TNNI3K: variants seen among roughly 807,000 people sequenced by gnomAD.
TNNI3K encodes serine/threonine-protein kinase TNNI3K.
TNNI3K carries 140 observed loss-of-function variants against 114.5 expected under a neutral mutation model. That is an observed-to-expected ratio of 1.22 (90% CI 1.07 to 1.41). The LOEUF is 1.41. Ranked by LOEUF, TNNI3K falls within the 40% of genes most tolerant of loss-of-function variation. TNNI3K has a pLI of 0.00. For missense variants in TNNI3K, 1,125 were observed against 1,007.6 expected (o/e 1.12, Z -1.58); for synonymous variants, 347 against 347.5 (o/e 1.00, Z 0.02).
chr1:74,409,553 G>C (rs1664783485), intron 17 of TNNI3K, among the ~76,000 whole-genome samples: 1 of 147,914 alleles, frequency 6.8e-6, no homozygotes, highest in African/African-American at 2.5e-5. Flanking sequence ...GAGTGCAGTG[G>C]CACCATCTCG....
chr1:74,433,138 G>A (rs546143507), intron 17 of TNNI3K, among the ~76,000 whole-genome samples: 25 of 152,058 alleles, frequency 1.6e-4, no homozygotes, highest in Non-Finnish European at 2.9e-4. Context: ...TGTAGTTCAC[G>A]ACATCTCTCA....
intron 22 of TNNI3K, among the ~76,000 whole-genome samples, chr1:74,491,457 G>A (rs1300815120): frequency 6.6e-6 from 1 of 152,054 alleles, no homozygotes; most frequent in Non-Finnish European, 1.5e-5. Context: ...GACCAGGATG[G>A]TGTCGATCTC....
chr1:74,522,833 C>T (rs1391898835), intron 23 of TNNI3K, among the ~76,000 whole-genome samples: 1 of 152,136 alleles, frequency 6.6e-6, no homozygotes, highest in East Asian at 1.9e-4. Context: ...GGAAACTTTA[C>T]CTGTAGAAGG....
intron 11 of TNNI3K, among the ~76,000 whole-genome samples, chr1:74,361,504 G>A (rs948584376): frequency 4.0e-5 from 6 of 151,722 alleles, no homozygotes; most frequent in South Asian, 2.1e-4. Context: ...TCATTCATTC[G>A]TTCAACAAAA....
chr1:74,448,260 TAAAAAA>T (rs71588834), intron 20 of TNNI3K, among the ~76,000 whole-genome samples: 9 of 89,136 alleles, frequency 1.0e-4, no homozygotes, highest in South Asian at 4.1e-4. Flanking sequence ...TAGAGTATAA[TAAAAAA>T]AAAAAAAAAA....
chr1:74,394,484 A>G (rs1469945491), intron 17 of TNNI3K, among the ~76,000 whole-genome samples: 1 of 152,220 alleles, frequency 6.6e-6, no homozygotes. Context: ...AGCAAACTAC[A>G]GAAGAAACAG....
chr1:74,280,313 C>T (rs1656932207), intron 5 of TNNI3K, among the ~76,000 whole-genome samples: 1 of 151,602 alleles, frequency 6.6e-6, no homozygotes, highest in East Asian at 1.9e-4. Context: ...ACCTGGGAGG[C>T]GGAGCTTGCA....
chr1:74,445,603 C>T (rs1570629434), intron 20 of TNNI3K, among the ~76,000 whole-genome samples: 5 of 131,204 alleles, frequency 3.8e-5, no homozygotes, highest in African/African-American at 1.2e-4. Context: ...TCCACATTTT[C>T]TTTTTTTTCT....
Position 74,403,748 on chromosome 1 carries a change from C to A in TNNI3K, c.1773-32332C>A, listed in dbSNP as rs544010147. On this transcript the variant is annotated intron_variant, in intron 17 of 24. Transcript: ENST00000326637. ...GAATCTTTGGCATCATGTATGCAAA[C>A]TCATGGAACTTCTGCTCCTTGTTAA... Among the ~76,000 whole-genome samples the A allele has an allele frequency of 2.0e-5, 3 of 152,226 alleles. No homozygotes were observed. The South Asian group carries it at 6.2e-4, about 32-fold the overall frequency.
intron 4 of TNNI3K, among the ~76,000 whole-genome samples, chr1:74,251,008 G>T (rs533792090): frequency 1.5e-3 from 224 of 152,042 alleles, no homozygotes; most frequent in Non-Finnish European, 2.9e-3. Context: ...CCCCATGAGT[G>T]AATATGATTA....
intron 5 of TNNI3K, among the ~76,000 whole-genome samples, chr1:74,329,983 A>G (rs1222712238): frequency 6.6e-6 from 1 of 152,098 alleles, no homozygotes; most frequent in East Asian, 1.9e-4. Context: ...AAAAAATTTC[A>G]AAATGTGTAA....
At chr1:74,517,144 C>T (rs1646360927) in intron 23 of TNNI3K, among the ~76,000 whole-genome samples, 1 of 152,136 alleles carries the variant, frequency 6.6e-6, no homozygotes, top group South Asian at 2.1e-4. Context: ...TCATTCTCAA[C>T]ACCTGTGGGC....
chr1:74,320,656 G>T (rs1659558336), intron 5 of TNNI3K, among the ~76,000 whole-genome samples: 1 of 152,130 alleles, frequency 6.6e-6, no homozygotes, highest in Non-Finnish European at 1.5e-5. Flanking sequence ...TATTCCAGCT[G>T]CTTGATACTC....
chr1:74,446,866 A>T (rs1666716233), intron 20 of TNNI3K, among the ~76,000 whole-genome samples: 1 of 147,338 alleles, frequency 6.8e-6, no homozygotes, highest in Admixed American at 6.8e-5. Flanking sequence ...TGCGGCGTTA[A>T]TTCTGAGGGC....
intron 23 of TNNI3K, among the ~76,000 whole-genome samples, chr1:74,535,275 G>C (rs1646646096): frequency 6.6e-6 from 1 of 152,104 alleles, no homozygotes; most frequent in African/African-American, 2.4e-5. Flanking sequence ...TTCGACACCA[G>C]CCTGACCAAC....
chr1:74,385,639 G>A (rs1203441293), intron 17 of TNNI3K, among the ~76,000 whole-genome samples: 2 of 152,132 alleles, frequency 1.3e-5, no homozygotes, highest in African/African-American at 4.8e-5. Flanking sequence ...TACTAAGATG[G>A]CATTGATGAA....
chr1:74,534,050 G>A (rs1296620161), intron 23 of TNNI3K, among the ~76,000 whole-genome samples: 1 of 152,112 alleles, frequency 6.6e-6, no homozygotes, highest in Non-Finnish European at 1.5e-5. Context: ...TTCCTTCCCA[G>A]ACACCCCACA....
intron 5 of TNNI3K, among the ~76,000 whole-genome samples, chr1:74,294,251 G>C (rs1208630408): frequency 6.6e-6 from 1 of 151,774 alleles, no homozygotes. Context: ...TGGCCTCATA[G>C]AACAAATTAG....
chr1:74,457,438 A>G (rs1301004637), intron 20 of TNNI3K, among the ~76,000 whole-genome samples: 1 of 152,194 alleles, frequency 6.6e-6, no homozygotes, highest in East Asian at 1.9e-4. Flanking sequence ...CAGATGCTAT[A>G]CACTCTGGTG....
Sources: allele counts gnomAD v4.1 joint callset (sites outside exome capture counted in the v4.1 genomes callset), GRCh38; gene constraint gnomAD v4.1.1; transcripts MANE v1.5; gene names NCBI Gene and HGNC (gene_info 2026-07-23, HGNC 2026-07-21).